The following LOXHD1 variants were observed in gnomAD, a reference collection of about 807,000 sequenced individuals.
The protein encoded by LOXHD1 is lipoxygenase homology domain-containing protein 1.
LOXHD1 carries 205 observed loss-of-function variants against 248.2 expected under a neutral mutation model. The ratio of observed to expected loss-of-function variants is 0.83; its 90% CI spans 0.74 to 0.93. LOXHD1 has a LOEUF of 0.93. Ranked by LOEUF, LOXHD1 falls within the 40% of genes least tolerant of loss-of-function variation. LOXHD1 has a pLI of 0.00. For missense variants in LOXHD1, 2,930 were observed against 2,971.6 expected (o/e 0.99, Z 0.33); for synonymous variants, 1,113 against 1,162.8 (o/e 0.96, Z 0.87).
intron 25 of LOXHD1, 102 bp downstream of exon 25, chr18:46,541,674 G>T: frequency 7.4e-7 from 1 of 1,350,728 alleles, no homozygotes; most frequent in Non-Finnish European, 1.0e-6. Context: ...TTCAAGGTGG[G>T]CCTGGCCCAC....
chr18:46,519,487 G>A (rs950088357), intron 33 of LOXHD1, among the ~76,000 whole-genome samples: 2 of 152,192 alleles, frequency 1.3e-5, no homozygotes, highest in Non-Finnish European at 2.9e-5. Flanking sequence ...GGCCTGGCCC[G>A]CAGGAGAAAT....
At chr18:46,506,420 A>G (rs1358958242) in intron 36 of LOXHD1, among the ~76,000 whole-genome samples, 1 of 152,226 alleles carries the variant, frequency 6.6e-6, no homozygotes, top group Non-Finnish European at 1.5e-5. Flanking sequence ...TGTGTTCCCT[A>G]AATCTGTCTC....
intron 21 of LOXHD1, among the ~76,000 whole-genome samples, chr18:46,551,928 C>G (rs941225328): frequency 6.6e-6 from 1 of 152,202 alleles, no homozygotes; most frequent in African/African-American, 2.4e-5. Context: ...GAGGACAACA[C>G]ACTAAGTGAA....
chr18:46,521,233 A>C lies in LOXHD1; in HGVS notation c.5135T>G (p.Leu1712Trp). 1 of 1,551,552 alleles carries C rather than the reference A, an allele frequency of 6.4e-7. No individual in the cohort carries two copies. Among genetic ancestry groups the C allele is most frequent in the Non-Finnish European group, 8.7e-7 (1 of 1,146,934 alleles). ...SPESCWLVEE[L>W]CLAVPTQGTK... ...GCCCTGGGTGGGCACTGCCAAACAC[A>C]ACTCTTCCACCAGCCAGCAGCTCTC... Residue 1712 changes from leucine (L) to tryptophan (W), a missense_variant, in exon 33 of 41, where the codon TTG becomes TGG. Physicochemically the swap from Leu to Trp is moderately conservative, Grantham distance 61. Coordinates refer to ENST00000642948, the MANE Select transcript of LOXHD1 (RefSeq NM_001384474.1).
rs749952816 is a variant in LOXHD1, at chr18:46,545,440, A to G, written c.3515-19T>C. 145 of 1,516,802 alleles carry G rather than the reference A, an allele frequency of 9.6e-5. No individual in the cohort carries two copies. Among genetic ancestry groups the G allele is most frequent in the South Asian group, 5.3e-4 (44 of 83,256 alleles). The allele number at this position is 1,516,802 out of a possible 1,614,324, so 94.0% of individuals were successfully genotyped here. A position where few individuals can be genotyped will look rare whatever the true frequency, so the allele number is the denominator to read the frequency against. On this transcript the variant is annotated intron_variant, in intron 22 of 40. Coordinates refer to ENST00000642948, the MANE Select transcript of LOXHD1 (RefSeq NM_001384474.1). ...GATTTATCTGCCAAGAGAATAGTAT[A>G]GAGCAATGAATTGTAGACTGTTCCT...
At position 46,581,946 on chromosome 18, in the gene LOXHD1, C is replaced by T. The variant is rs536170585; in HGVS notation, c.1655-2162G>A. On this transcript the variant is annotated intron_variant, in intron 12 of 40. Coordinates refer to ENST00000642948, the MANE Select transcript of LOXHD1 (RefSeq NM_001384474.1). The stretch of plus-strand genomic sequence containing the variant: ...ACCAAGAATTTTAAATCCACAAAAG[C>T]TACCTTTCAAGAATTAAGAAGAAAT... Among the ~76,000 whole-genome samples, 5 of 152,306 alleles carry T rather than the reference C, an allele frequency of 3.3e-5. No individual in the cohort carries two copies. In the South Asian group the frequency reaches 1.0e-3, roughly 32 times the overall value.
chr18:46,533,472 C>T (rs1394647168), intron 27 of LOXHD1, 148 bp from the exon 28 acceptor site: 7 of 759,496 alleles, frequency 9.2e-6, no homozygotes, highest in Non-Finnish European at 1.5e-5. Flanking sequence ...CCCCTTGCCC[C>T]AATTTCAGTA....
At chr18:46,612,285 TCA>T (rs2038519761) in intron 5 of LOXHD1, among the ~76,000 whole-genome samples, 1 of 152,208 alleles carries the variant, frequency 6.6e-6, no homozygotes, top group African/African-American at 2.4e-5. Flanking sequence ...GTGCTCATCT[TCA>T]GTTTATTAGA....
chr18:46,506,347 T>C (rs1034169257), intron 36 of LOXHD1, among the ~76,000 whole-genome samples: 3 of 152,216 alleles, frequency 2.0e-5, no homozygotes, highest in Admixed American at 6.5e-5. Context: ...AGGCTGGCTT[T>C]ACAGTTTAGA....
At chr18:46,480,561 G>C (rs2032474931) in intron 40 of LOXHD1, among the ~76,000 whole-genome samples, 2 of 152,064 alleles carry the variant, frequency 1.3e-5, no homozygotes, top group Non-Finnish European at 2.9e-5. Flanking sequence ...CATAATTATA[G>C]GATCACCAAA....
intron 3 of LOXHD1, 87 bp from the exon 4 acceptor site, chr18:46,639,887 A>C: frequency 1.4e-6 from 2 of 1,447,540 alleles, no homozygotes; most frequent in Non-Finnish European, 1.9e-6. Context: ...GTTTACTCCA[A>C]AGAGAGGTCC....
chr18:46,607,115 G>A (rs1331467514), intron 6 of LOXHD1, among the ~76,000 whole-genome samples: 1 of 151,602 alleles, frequency 6.6e-6, no homozygotes, highest in African/African-American at 2.4e-5. Flanking sequence ...ATTGCAGTGA[G>A]CCAAGATTGT....
intron 33 of LOXHD1, among the ~76,000 whole-genome samples, chr18:46,519,731 T>C (rs995698496): frequency 4.6e-5 from 7 of 152,192 alleles, no homozygotes. Context: ...CGTCCGACTC[T>C]TGTGTTCTCT....
chr18:46,631,656 A>G (rs1044003267), intron 4 of LOXHD1, among the ~76,000 whole-genome samples: 4 of 152,240 alleles, frequency 2.6e-5, no homozygotes, highest in Non-Finnish European at 5.9e-5. Context: ...ACGTTTTAAC[A>G]GAAGATCCGC....
At chr18:46,481,560 GT>G (rs1204109805) in intron 40 of LOXHD1, among the ~76,000 whole-genome samples, 1 of 152,210 alleles carries the variant, frequency 6.6e-6, no homozygotes, top group Non-Finnish European at 1.5e-5. Flanking sequence ...GAGTTGATGG[GT>G]AACTGCTGGA....
chr18:46,593,723 T>C lies in LOXHD1; in HGVS notation c.1308A>G (p.Leu436=), dbSNP rs1232705545. 9.7e-6 allele frequency: 15 copies of C among 1,552,032 alleles called. No homozygotes were observed. Among genetic ancestry groups the C allele is most frequent in the African/African-American group, 1.4e-5 (1 of 73,036 alleles). The part of the protein sequence containing the change: ...PWSLWVWTTD[L]KKAGTNSPIF... The stretch of plus-strand genomic sequence containing the variant: ...TGGGAGAGTTGGTACCAGCTTTCTT[T>C]AGGTCGGTTGTCCAGACCCACAGGG... Residue 436 remains leucine, a synonymous_variant, in exon 10 of 41, where the codon CTA becomes CTG. Coordinates refer to ENST00000642948, the MANE Select transcript of LOXHD1 (RefSeq NM_001384474.1).
intron 8 of LOXHD1, among the ~76,000 whole-genome samples, chr18:46,597,422 G>A (rs184911272): frequency 3.3e-5 from 5 of 152,170 alleles, no homozygotes; most frequent in East Asian, 3.9e-4. Context: ...GATTGAACTC[G>A]CTAGGAGGCT....
chr18:46,497,474 G>A (rs564427948), intron 37 of LOXHD1, among the ~76,000 whole-genome samples: 9 of 152,244 alleles, frequency 5.9e-5, no homozygotes, highest in African/African-American at 2.2e-4. Context: ...TGTCTTGAGG[G>A]TGGGGGCAGC....
intron 8 of LOXHD1, among the ~76,000 whole-genome samples, chr18:46,598,885 A>G (rs2144270474): frequency 6.6e-6 from 1 of 152,308 alleles, no homozygotes; most frequent in South Asian, 2.1e-4. Context: ...ACGAATCTAT[A>G]GGTCCAAATG....
Sources: allele counts gnomAD v4.1 joint callset (sites outside exome capture counted in the v4.1 genomes callset), GRCh38; gene constraint gnomAD v4.1.1; transcripts MANE v1.5; gene names NCBI Gene and HGNC (gene_info 2026-07-23, HGNC 2026-07-21).